The following GALNT7 variants were observed in gnomAD, a reference collection of about 807,000 sequenced individuals.
The protein encoded by GALNT7 is N-acetylgalactosaminyltransferase 7.
A neutral mutation model predicts 82.1 loss-of-function variants in GALNT7; 60 were observed. The observed-to-expected ratio is 0.73, with a 90% CI of 0.59 to 0.91. GALNT7 has a LOEUF of 0.91. Among genes scored for constraint, GALNT7 ranks in the 40% least tolerant of loss-of-function variants. GALNT7 has a pLI of 0.00. For synonymous variants in GALNT7, 243 were observed against 275.1 expected (o/e 0.88, Z 1.15); for missense variants, 660 against 804.2 (o/e 0.82, Z 2.17).
intron 1 of GALNT7, chr4:173,169,338 G>A (rs1488744936): frequency 6.6e-6 from 1 of 150,674 alleles, no homozygotes; most frequent in Non-Finnish European, 1.5e-5. Context: ...CGGGACCGCA[G>A]CGCTCACGGC....
In GALNT7 at chr4:173,246,048, C is replaced by G. The variant is rs146921377; in HGVS notation, c.127-1932C>G. Reference sequence around the variant, plus strand: ...GTTGCCTTTTCTATTTAGGGGGGAACTTGTGAAAAACTTTGAAATGCTCCC... The same window carrying G: ...GTTGCCTTTTCTATTTAGGGGGGAAGTTGTGAAAAACTTTGAAATGCTCCC... On this transcript the variant is annotated intron_variant, in intron 1 of 11. Transcript: ENST00000265000. Among the ~76,000 whole-genome samples, 10 of 152,254 alleles carry G rather than the reference C, an allele frequency of 6.6e-5. No individual in the cohort carries two copies. In the East Asian group the frequency reaches 1.7e-3, roughly 26 times the overall value.
At chr4:173,315,165 A>G (rs1322819857) in intron 9 of GALNT7, among the ~76,000 whole-genome samples, 2 of 152,180 alleles carry the variant, frequency 1.3e-5, no homozygotes, top group Non-Finnish European at 2.9e-5. Flanking sequence ...GAGAGTGGAG[A>G]TGAAGGGAAG....
chr4:173,248,748 G>C (rs1734749980), intron 2 of GALNT7, among the ~76,000 whole-genome samples: 1 of 152,100 alleles, frequency 6.6e-6, no homozygotes. Context: ...GCTTGCACCA[G>C]GATGTAAGTC....
intron 8 of GALNT7, among the ~76,000 whole-genome samples, chr4:173,307,332 A>T (rs1346864272): frequency 6.6e-6 from 1 of 152,220 alleles, no homozygotes; most frequent in African/African-American, 2.4e-5. Context: ...CCCAGGACTT[A>T]GGGCACAGAT....
chr4:173,317,577 G>C lies in GALNT7; in HGVS notation c.1609-57G>C, dbSNP rs1202159662. 2.7e-5 allele frequency: 27 copies of C among 1,010,460 alleles called. 1 individual carries two copies. Among genetic ancestry groups the C allele is most frequent in the South Asian group, 2.4e-4 (19 of 78,264 alleles). 62.6% of individuals were successfully genotyped at this position (1,010,460 alleles called of 1,614,324 possible). On this transcript the variant is annotated intron_variant, in intron 9 of 11. Transcript: ENST00000265000. ...CATGAAATGTTAAATTCTGATGCCA[G>C]AGTTCATCAAAAACTAAACTGTTGC...
chr4:173,221,329 G>A (rs1733637507), intron 1 of GALNT7, among the ~76,000 whole-genome samples: 1 of 152,172 alleles, frequency 6.6e-6, no homozygotes, highest in Non-Finnish European at 1.5e-5. Context: ...ACTAGATGCT[G>A]GAGTTACAGC....
chr4:173,242,808 T>G (rs574393122), intron 1 of GALNT7, among the ~76,000 whole-genome samples: 2 of 152,318 alleles, frequency 1.3e-5, no homozygotes, highest in East Asian at 3.9e-4. Context: ...TTCTGGAGCT[T>G]ATTTATTTTT....
Position 173,168,821 on chromosome 4 carries a change from C to T in GALNT7, c.-15C>T. 1.2e-6 allele frequency: 2 copies of T among 1,608,982 alleles called. No individual in the cohort carries two copies. The highest frequency in any genetic ancestry group is 8.5e-7 in the Non-Finnish European group (1 of 1,177,690). On this transcript the variant is annotated 5_prime_UTR_variant, in exon 1 of 12. Coordinates refer to ENST00000265000, the MANE Select transcript of GALNT7 (RefSeq NM_017423.3). ...CGGCTGCGCCGGGCTGTGAGTCTCT[C>T]GCCGCCGGAGGAAGATGAGGCTGAA...
At chr4:173,257,580 T>C (rs1173177160) in intron 2 of GALNT7, among the ~76,000 whole-genome samples, 1 of 152,196 alleles carries the variant, frequency 6.6e-6, no homozygotes, top group East Asian at 1.9e-4. Flanking sequence ...TCAGTAAACT[T>C]TTAGTCTGTC....
chr4:173,305,872 A>C (rs183562100), intron 8 of GALNT7, among the ~76,000 whole-genome samples: 2 of 152,130 alleles, frequency 1.3e-5, no homozygotes, highest in African/African-American at 4.8e-5. Flanking sequence ...TGCTTTAGCT[A>C]TTCAGGGTTT....
intron 1 of GALNT7, among the ~76,000 whole-genome samples, chr4:173,180,327 T>TG (rs1732204945): frequency 3.4e-4 from 5 of 14,696 alleles, no homozygotes. Context: ...TTGGAGTTCC[T>TG]TTTTTTTTTT....
chr4:173,301,451 G>C (rs1736931882), intron 6 of GALNT7, among the ~76,000 whole-genome samples: 2 of 152,080 alleles, frequency 1.3e-5, no homozygotes, highest in South Asian at 4.1e-4. Flanking sequence ...CAGATACACA[G>C]GTCACCCTTT....
Position 173,298,202 on chromosome 4 carries a change from T to C in GALNT7, c.1053T>C (p.Tyr351=), listed in dbSNP as rs1456214446. ...AAGGGGGTGGTGATGAAGATGGGTA[T>C]GCCCGAGGAGCATGGGATTGGAGTA... ...IPQGGGDEDG[Y]ARGAWDWSML... is the part of the protein sequence containing the mutation. The change falls in exon 6 of 12, where the codon TAT becomes TAC. Residue 351 remains tyrosine (Y), a synonymous_variant. Coordinates refer to ENST00000265000, the MANE Select transcript of GALNT7 (RefSeq NM_017423.3). The C allele has an allele frequency of 5.6e-6, 9 of 1,613,972 alleles. No homozygotes were observed. In the South Asian group the frequency reaches 8.8e-5, roughly 16 times the overall value.
intron 1 of GALNT7, among the ~76,000 whole-genome samples, chr4:173,189,085 G>A (rs1046143830): frequency 6.6e-6 from 1 of 152,170 alleles, no homozygotes; most frequent in Admixed American, 6.5e-5. Flanking sequence ...TCAAACTTGA[G>A]GTGCTCATGT....
chr4:173,262,492 GC>G (rs1472395922), intron 2 of GALNT7, among the ~76,000 whole-genome samples: 1 of 152,108 alleles, frequency 6.6e-6, no homozygotes, highest in African/African-American at 2.4e-5. Flanking sequence ...CATTGGAAAG[GC>G]CTTAACTCCT....
chr4:173,225,798 T>C (rs1369405889), intron 1 of GALNT7, among the ~76,000 whole-genome samples: 1 of 152,188 alleles, frequency 6.6e-6, no homozygotes, highest in Non-Finnish European at 1.5e-5. Flanking sequence ...ACCTGACAGA[T>C]CTAACAGAAT....
chr4:173,307,048 G>T (rs1372947240), intron 8 of GALNT7, among the ~76,000 whole-genome samples: 2 of 152,236 alleles, frequency 1.3e-5, no homozygotes, highest in South Asian at 4.1e-4. Context: ...AGCCCACCAA[G>T]GTCAGTGTTG....
At chr4:173,182,612 G>T (rs1231342365) in intron 1 of GALNT7, among the ~76,000 whole-genome samples, 1 of 151,836 alleles carries the variant, frequency 6.6e-6, no homozygotes, top group Non-Finnish European at 1.5e-5. Flanking sequence ...TGCCATGTGG[G>T]CACACAGCGT....
intron 2 of GALNT7, among the ~76,000 whole-genome samples, chr4:173,288,736 C>T (rs1736430545): frequency 6.6e-6 from 1 of 152,166 alleles, no homozygotes; most frequent in South Asian, 2.1e-4. Flanking sequence ...GGTGAAATAT[C>T]CCCTTATATA....
Sources: allele counts gnomAD v4.1 joint callset (sites outside exome capture counted in the v4.1 genomes callset), GRCh38; gene constraint gnomAD v4.1.1; transcripts MANE v1.5; gene names NCBI Gene and HGNC (gene_info 2026-07-23, HGNC 2026-07-21).